The following DNAJC13 variants were observed in gnomAD, a reference collection of about 807,000 sequenced individuals.
DNAJC13 encodes dnaJ homolog subfamily C member 13.
DNAJC13 carries 75 observed loss-of-function variants against 290.5 expected under a neutral mutation model. The ratio of observed to expected loss-of-function variants is 0.26; its 90% confidence interval spans 0.21 to 0.31. The LOEUF is 0.31. Ranked by LOEUF, DNAJC13 falls within the 10% of genes least tolerant of loss-of-function variation. The pLI is 1.00. For missense variants in DNAJC13, 2,260 were observed against 2,674.5 expected, an observed-to-expected ratio of 0.85 and a Z score of 3.42; for synonymous variants, 862 against 892.0, an observed-to-expected ratio of 0.97 and a Z score of 0.60.
chr3:132,447,482 C>A lies in DNAJC13; in HGVS notation c.294+12C>A. On this transcript the variant is annotated intron_variant, in intron 4 of 55. Coordinates refer to ENST00000260818, the MANE Select transcript of DNAJC13 (RefSeq NM_015268.4). ...TTACAGAAGCATTGGTAAGAAGATT[C>A]CATGTTCATAAATAAAATTTCTTTC... The A allele has an allele frequency of 1.9e-6, 3 of 1,547,938 alleles. No individual in the cohort carries two copies. Among genetic ancestry groups the A allele is most frequent in the Non-Finnish European group, 2.6e-6 (3 of 1,156,848 alleles).
chr3:132,454,253 A>G (rs953834963), intron 9 of DNAJC13, 96 bp downstream of exon 9: 12 of 842,354 alleles, frequency 1.4e-5, no homozygotes, highest in Non-Finnish European at 2.1e-5. Context: ...TAGAAATTTA[A>G]AATCATTTAA....
intron 20 of DNAJC13, 181 bp downstream of exon 20, chr3:132,467,494 CT>C: frequency 1.7e-6 from 1 of 574,042 alleles, no homozygotes; most frequent in East Asian, 3.7e-5. Context: ...GAGACAGAGC[CT>C]TGCTCTGTTG....
chr3:132,502,316 G>A lies in DNAJC13; in HGVS notation c.4564G>A (p.Val1522Ile), dbSNP rs776284385. 1.4e-5 allele frequency: 23 copies of A among 1,612,914 alleles called. 2 individuals are homozygous for A. The highest frequency in any genetic ancestry group is 9.9e-5 in the South Asian group (9 of 91,014). The change falls in exon 40 of 56, where the codon GTA (valine) becomes ATA (isoleucine). Residue 1522 changes from valine (V) to isoleucine (I), a missense_variant. Val to Ile is a conservative substitution (Grantham distance 29, BLOSUM62 3). Around this residue, in one of 3 missense-constraint regions of DNAJC13, gnomAD observed 1,494 missense variants for 1,693.7 expected, o/e 0.88. Coordinates refer to ENST00000260818, the MANE Select transcript of DNAJC13 (RefSeq NM_015268.4). ...TATTCCCCGCGTAGCTGCTCTTGGG[G>A]TAGAATGTGTCAGTTCTTTTGCTGT... is the stretch of plus-strand genomic sequence containing the variant. ...KSIPRVAALG[V>I]ECVSSFAVDF... is the part of the protein sequence containing the mutation.
At chr3:132,519,201 G>A (rs1377934931) in intron 48 of DNAJC13, among the ~76,000 whole-genome samples, 3 of 152,104 alleles carry the variant, frequency 2.0e-5, no homozygotes, top group Non-Finnish European at 2.9e-5. Flanking sequence ...TAAACCTTTT[G>A]AGGAATTGTC....
At chr3:132,533,353 T>TTTTTTTA (rs35920820) in intron 55 of DNAJC13, among the ~76,000 whole-genome samples, 1 of 149,374 alleles carries the variant, frequency 6.7e-6, no homozygotes, top group African/African-American at 2.5e-5. Flanking sequence ...TTTTTTTTTT[T>TTTTTTTA]GAGACAGAGT....
intron 22 of DNAJC13, among the ~76,000 whole-genome samples, chr3:132,476,204 C>G (rs955246051): frequency 3.9e-5 from 6 of 152,148 alleles, no homozygotes; most frequent in Non-Finnish European, 8.8e-5. Flanking sequence ...ACTTTTAGCC[C>G]TAGACTTCAT....
chr3:132,441,185 G>C (rs1259876795), intron 2 of DNAJC13, among the ~76,000 whole-genome samples: 2 of 152,210 alleles, frequency 1.3e-5, no homozygotes, highest in African/African-American at 4.8e-5. Context: ...TGGAAGGTCT[G>C]ACTGGCAGAA....
At chr3:132,535,352 C>G (rs930633522) in intron 55 of DNAJC13, among the ~76,000 whole-genome samples, 4 of 152,128 alleles carry the variant, frequency 2.6e-5, no homozygotes, top group African/African-American at 9.7e-5. Flanking sequence ...TCCATAGGTT[C>G]TCTAGCCTGG....
chr3:132,432,939 GAAAC>G (rs1340328264), intron 1 of DNAJC13, among the ~76,000 whole-genome samples: 1 of 151,968 alleles, frequency 6.6e-6, no homozygotes, highest in African/African-American at 2.4e-5. Context: ...ATGTGGCTTG[GAAAC>G]AAACCATTTG....
Position 132,456,215 on chromosome 3 carries a change from T to C in DNAJC13, c.933-20T>C, listed in dbSNP as rs768972251. The C allele has an allele frequency of 6.2e-7, 1 of 1,605,956 alleles. No individual in the cohort carries two copies. Among genetic ancestry groups the C allele is most frequent in the African/African-American group, 1.3e-5 (1 of 74,102 alleles). Reference sequence around the variant, plus strand: ...TAATCATCAATGCTAAAACCTTTTTTTACTTTTAATCTTACTTAGAGATTC... The same window carrying C: ...TAATCATCAATGCTAAAACCTTTTTCTACTTTTAATCTTACTTAGAGATTC... On this transcript the variant is annotated intron_variant, in intron 9 of 55. Transcript: ENST00000260818.
chr3:132,474,939 C>G lies in DNAJC13; in HGVS notation c.2299C>G (p.Gln767Glu). The change falls in exon 22 of 56, where the codon CAA (glutamine) becomes GAA (glutamate). Residue 767 changes from glutamine to glutamate, a missense_variant. This residue lies in a region of DNAJC13 where 762 missense variants were observed against 964.1 expected (regional missense o/e 0.79). Transcript: ENST00000260818. ...CATTATATGTATGTCTAGGTTTGGT[C>G]AAGACCATGCCAGGTCAAACCTTAT... ...NWDLFYYRFG[Q>E]DHARSNLIWN... The G allele has an allele frequency of 6.4e-7, 1 of 1,551,864 alleles. No individual in the cohort carries two copies. Among genetic ancestry groups the G allele is most frequent in the Non-Finnish European group, 8.7e-7 (1 of 1,144,600 alleles).
At chr3:132,526,635 G>A (rs1277717081) in intron 53 of DNAJC13, among the ~76,000 whole-genome samples, 1 of 152,128 alleles carries the variant, frequency 6.6e-6, no homozygotes, top group Non-Finnish European at 1.5e-5. Context: ...AGCTTGATTT[G>A]TAAAATGTGC....
Position 132,472,066 on chromosome 3 carries a change from G to A in DNAJC13, c.2209-1079G>A, listed in dbSNP as rs918266282. On this transcript the variant is annotated intron_variant, in intron 20 of 55. Coordinates refer to ENST00000260818, the MANE Select transcript of DNAJC13 (RefSeq NM_015268.4). The stretch of plus-strand genomic sequence containing the variant: ...TGGAGACCGGCCCGGCCAACACAGC[G>A]AAACCCCGTCTCCACCAAAACCAGT... Among the ~76,000 whole-genome samples the A allele has an allele frequency of 3.4e-4, 50 of 148,940 alleles. No individual in the cohort carries two copies. The South Asian group carries it at 3.9e-3, about 12-fold the overall frequency.
intron 53 of DNAJC13, among the ~76,000 whole-genome samples, chr3:132,527,863 C>T (rs1456653285): frequency 6.6e-6 from 1 of 152,078 alleles, no homozygotes; most frequent in Non-Finnish European, 1.5e-5. Flanking sequence ...GCAGGCAGCC[C>T]AGTATAGGGG....
chr3:132,466,440 C>T, intron 19 of DNAJC13, 46 bp downstream of exon 19: 1 of 1,478,044 alleles, frequency 6.8e-7, no homozygotes, highest in Admixed American at 2.4e-5. Context: ...AGTAAGGGTA[C>T]TGTTATATAT....
At chr3:132,432,178 A>T (rs1200191535) in intron 1 of DNAJC13, among the ~76,000 whole-genome samples, 2 of 151,944 alleles carry the variant, frequency 1.3e-5, no homozygotes, top group African/African-American at 2.4e-5. Flanking sequence ...TTTTCTACAA[A>T]TTTTTTTGTT....
intron 48 of DNAJC13, 122 bp downstream of exon 48, chr3:132,516,938 A>T: frequency 1.2e-6 from 1 of 864,784 alleles, no homozygotes; most frequent in Non-Finnish European, 1.8e-6. Context: ...GTGATGTGAA[A>T]GTTGGAAAAT....
intron 13 of DNAJC13, chr3:132,457,762 A>G (rs1417295978): frequency 6.3e-6 from 1 of 157,840 alleles, no homozygotes; most frequent in Non-Finnish European, 1.4e-5. Flanking sequence ...AAGGACAGGC[A>G]GGAATTTTCT....
chr3:132,430,563 C>G (rs1939213818), intron 1 of DNAJC13, among the ~76,000 whole-genome samples: 1 of 152,116 alleles, frequency 6.6e-6, no homozygotes, highest in Non-Finnish European at 1.5e-5. Context: ...CCAAGATAGG[C>G]CCTTGGTACA....
Sources: gnomAD v4.1 joint callset for allele counts (sites outside exome capture counted in the v4.1 genomes callset) on GRCh38, gnomAD v4.1.1 for gene constraint, gnomAD v4.1.1 regional missense constraint, MANE v1.5 for transcripts, NCBI Gene and HGNC (gene_info 2026-07-23, HGNC 2026-07-21) for gene names.